The following MTHFD1L variants were observed in gnomAD, a reference collection of about 807,000 sequenced individuals.
MTHFD1L encodes methylenetetrahydrofolate dehydrogenase (NADP+ dependent) 1 like.
In MTHFD1L, 81 loss-of-function variants were observed where a neutral mutation model predicts 119.5. The observed-to-expected ratio is 0.68, with a 90% CI of 0.57 to 0.82. The LOEUF (loss-of-function observed/expected upper bound fraction) is 0.82. Ranked by LOEUF, MTHFD1L falls within the 40% of genes least tolerant of loss-of-function variation. The pLI, the probability that MTHFD1L is intolerant of heterozygous loss-of-function variation, is 0.00. For missense variants in MTHFD1L, 1,125 were observed against 1,253.4 expected (o/e 0.90, Z 1.55); for synonymous variants, 430 against 475.2 (o/e 0.90, Z 1.24).
intron 17 of MTHFD1L, among the ~76,000 whole-genome samples, chr6:150,959,400 A>C (rs746701894): frequency 1.3e-5 from 2 of 152,230 alleles, no homozygotes; most frequent in Non-Finnish European, 2.9e-5. Flanking sequence ...TGTCCAGAGA[A>C]ACATTCCTAG....
rs146615154 is a variant in MTHFD1L, at chr6:151,044,846, C to T, written c.2847+7729C>T. ...TGTTTGGGGCATCAGTGATGTCACC[C>T]GCTACAAATGCTGGGTGGGGTTACT... On this transcript the variant is annotated intron_variant, in intron 26 of 27. Coordinates refer to ENST00000367321, the MANE Select transcript of MTHFD1L (RefSeq NM_015440.5). 3.6e-3 allele frequency among the ~76,000 whole-genome samples: 543 copies of T among 152,256 alleles called. 8 individuals carry two copies. The highest frequency in any genetic ancestry group is 0.012 in the African/African-American group (513 of 41,550).
At chr6:151,032,619 A>G (rs1001874396) in intron 24 of MTHFD1L, among the ~76,000 whole-genome samples, 3 of 152,316 alleles carry the variant, frequency 2.0e-5, no homozygotes, top group African/African-American at 7.2e-5. Flanking sequence ...GTAACCAAAA[A>G]TGAGCTTGGG....
At position 150,877,884 on chromosome 6, in the gene MTHFD1L, C is replaced by G. The variant is rs1780715610; in HGVS notation, c.417+58C>G. The G allele has an allele frequency of 2.5e-6, 4 of 1,586,480 alleles. No individual in the cohort carries two copies. In the East Asian group the frequency reaches 8.9e-5, roughly 35 times the overall value. The stretch of plus-strand genomic sequence containing the variant: ...TTCTTTCCTCTTGAGACTTAATAGG[C>G]CCATTGGCGTCTCTTAGTGGTGGCT... On this transcript the variant is annotated intron_variant, in intron 4 of 27. Coordinates refer to ENST00000367321, the MANE Select transcript of MTHFD1L (RefSeq NM_015440.5).
At chr6:150,917,270 C>T (rs1022857189) in intron 8 of MTHFD1L, among the ~76,000 whole-genome samples, 1 of 152,010 alleles carries the variant, frequency 6.6e-6, no homozygotes, top group East Asian at 2.0e-4. Flanking sequence ...GCACCTATAA[C>T]CCCAGCACTT....
intron 8 of MTHFD1L, among the ~76,000 whole-genome samples, chr6:150,911,461 C>T (rs1210005416): frequency 1.3e-5 from 2 of 152,058 alleles, no homozygotes; most frequent in African/African-American, 4.8e-5. Flanking sequence ...TAAAGAAATA[C>T]CTGAGACTGG....
rs377410939 is a variant in MTHFD1L at position 150,877,586 on chromosome 6, C to T, written c.313-48C>T. ...ATTCATCTCTGGATTATCTTTTGTG[C>T]CTTTTCAAGCTATTTTTATGTTGTT... is the stretch of plus-strand genomic sequence containing the variant. On this transcript the variant is annotated intron_variant, in intron 2 of 27. Transcript: ENST00000367321. The T allele has an allele frequency of 3.8e-6, 6 of 1,591,594 alleles. No individual in the cohort carries two copies. The African/African-American group carries it at 8.1e-5, about 21-fold the overall frequency.
At chr6:150,875,657 C>A (rs901788936) in intron 1 of MTHFD1L, among the ~76,000 whole-genome samples, 1 of 151,984 alleles carries the variant, frequency 6.6e-6, no homozygotes, top group Admixed American at 6.6e-5. Context: ...GTCTTCACCC[C>A]CCTAATCCCC....
chr6:150,945,580 C>A, intron 15 of MTHFD1L, 39 bp downstream of exon 15: 1 of 1,565,418 alleles, frequency 6.4e-7, no homozygotes, highest in Non-Finnish European at 8.7e-7. Context: ...AAGAAAATAT[C>A]GTAGAAACGC....
chr6:150,993,647 G>A (rs893805402), intron 20 of MTHFD1L, among the ~76,000 whole-genome samples: 2 of 152,088 alleles, frequency 1.3e-5, no homozygotes, highest in Non-Finnish European at 2.9e-5. Context: ...AGTTGAACAG[G>A]AAAGCTCCTG....
intron 7 of MTHFD1L, among the ~76,000 whole-genome samples, chr6:150,894,348 G>A (rs1287302665): frequency 6.6e-6 from 1 of 152,176 alleles, no homozygotes; most frequent in Admixed American, 6.5e-5. Context: ...TTGTGTGGGT[G>A]GGGGAAGGAG....
chr6:150,992,754 A>G (rs970999154), intron 20 of MTHFD1L, among the ~76,000 whole-genome samples: 2 of 152,202 alleles, frequency 1.3e-5, no homozygotes, highest in African/African-American at 2.4e-5. Context: ...GGCTGCACAA[A>G]TTCCTGCATT....
At chr6:150,882,549 C>T (rs565431520) in intron 4 of MTHFD1L, among the ~76,000 whole-genome samples, 2 of 152,088 alleles carry the variant, frequency 1.3e-5, no homozygotes, top group South Asian at 4.2e-4. Flanking sequence ...TTCAGCCAAG[C>T]CTTTTAATTT....
At chr6:150,983,872 G>A (rs1195264135) in intron 20 of MTHFD1L, among the ~76,000 whole-genome samples, 1 of 152,108 alleles carries the variant, frequency 6.6e-6, no homozygotes, top group Admixed American at 6.5e-5. Context: ...CTGGGCTCGA[G>A]CGATCCTCCC....
chr6:151,094,833 C>G (rs1794761371), intron 27 of MTHFD1L, among the ~76,000 whole-genome samples: 2 of 152,154 alleles, frequency 1.3e-5, no homozygotes, highest in African/African-American at 2.4e-5. Flanking sequence ...CGGGAGCCAC[C>G]ACGCCCAGCC....
chr6:150,975,154 A>C (rs1776376357), intron 20 of MTHFD1L, among the ~76,000 whole-genome samples: 1 of 152,222 alleles, frequency 6.6e-6, no homozygotes, highest in African/African-American at 2.4e-5. Flanking sequence ...GGCTCTTATG[A>C]ATAATGCTGC....
At chr6:150,964,796 G>A (rs1231388939) in intron 18 of MTHFD1L, among the ~76,000 whole-genome samples, 173 bp from the exon 19 acceptor site, 1 of 152,158 alleles carries the variant, frequency 6.6e-6, no homozygotes, top group South Asian at 2.1e-4. Flanking sequence ...ACTGACATCC[G>A]TTCTCAGCTC....
At chr6:150,999,773 CTAAT>C (rs1424375513) in intron 20 of MTHFD1L, among the ~76,000 whole-genome samples, 5 of 152,146 alleles carry the variant, frequency 3.3e-5, no homozygotes, top group African/African-American at 1.2e-4. Flanking sequence ...GTGTCTGTAA[CTAAT>C]TAATGCTCTG....
intron 18 of MTHFD1L, among the ~76,000 whole-genome samples, chr6:150,963,755 T>C (rs989324335): frequency 2.6e-5 from 4 of 152,080 alleles, no homozygotes; most frequent in Admixed American, 6.5e-5. Flanking sequence ...CGCCCTGTTT[T>C]CCCCCCCTAG....
intron 20 of MTHFD1L, among the ~76,000 whole-genome samples, chr6:150,976,491 C>T (rs1776592705): frequency 6.6e-6 from 1 of 152,174 alleles, no homozygotes; most frequent in African/African-American, 2.4e-5. Flanking sequence ...CATCCTTCTA[C>T]AGAAGTTAAA....
Sources: allele counts gnomAD v4.1 joint callset (sites outside exome capture counted in the v4.1 genomes callset), GRCh38; gene constraint gnomAD v4.1.1; transcripts MANE v1.5; gene names NCBI Gene and HGNC (gene_info 2026-07-23, HGNC 2026-07-21).